Variants in GRIN3A observed in about 807,000 individuals in gnomAD.
GRIN3A encodes the protein glutamate ionotropic receptor NMDA type subunit 3A, also known as glutamate receptor ionotropic, NMDA 3A.
Under a neutral mutation model 92.4 loss-of-function variants are expected in GRIN3A, and 47 were observed. The observed-to-expected ratio is 0.51, with a 90% confidence interval of 0.40 to 0.65. GRIN3A has a LOEUF of 0.65. Ranked by LOEUF, GRIN3A falls within the 30% of genes least tolerant of loss-of-function variation. The pLI, the probability that GRIN3A is intolerant of heterozygous loss-of-function variation, is 0.00. For synonymous variants in GRIN3A, 527 were observed against 540.6 expected (o/e 0.97, Z 0.35); for missense variants, 1,324 against 1,393.1 (o/e 0.95, Z 0.79).
At chr9:101,694,243 C>A (rs1242703859) in intron 1 of GRIN3A, among the ~76,000 whole-genome samples, 1 of 152,144 alleles carries the variant, frequency 6.6e-6, no homozygotes, top group Non-Finnish European at 1.5e-5. Flanking sequence ...TCAAAGACAG[C>A]CAGCTTATTT....
chr9:101,720,907 A>G (rs1325740852), intron 1 of GRIN3A, among the ~76,000 whole-genome samples: 1 of 152,186 alleles, frequency 6.6e-6, no homozygotes, highest in Non-Finnish European at 1.5e-5. Context: ...TAGGCTCAAT[A>G]CATGGGTGAT....
At chr9:101,602,441 G>A (rs1223801246) in intron 6 of GRIN3A, among the ~76,000 whole-genome samples, 1 of 152,168 alleles carries the variant, frequency 6.6e-6, no homozygotes, top group African/African-American at 2.4e-5. Context: ...GAATAGAGGT[G>A]AGTGAGGAGT....
intron 1 of GRIN3A, among the ~76,000 whole-genome samples, chr9:101,689,675 C>A (rs573737670): frequency 2.6e-5 from 4 of 151,820 alleles, no homozygotes; most frequent in Admixed American, 6.6e-5. Context: ...GCAGTGTTTT[C>A]CAATTTCTCC....
At chr9:101,577,491 T>C (rs62575847) in intron 8 of GRIN3A, among the ~76,000 whole-genome samples, 14,248 of 152,262 alleles carry the variant, frequency 0.094, 714 homozygotes, top group Middle Eastern at 0.14. Flanking sequence ...ATTAAATAAG[T>C]GACTTACACA....
intron 8 of GRIN3A, among the ~76,000 whole-genome samples, 153 bp from the exon 9 acceptor site, chr9:101,573,666 G>A (rs1232426958): frequency 2.0e-5 from 3 of 151,898 alleles, no homozygotes; most frequent in African/African-American, 7.3e-5. Context: ...CTGCTAGGGT[G>A]TCATGGGGCA....
At chr9:101,640,128 T>C (rs1267523454) in intron 3 of GRIN3A, among the ~76,000 whole-genome samples, 1 of 152,220 alleles carries the variant, frequency 6.6e-6, no homozygotes, top group Non-Finnish European at 1.5e-5. Context: ...TCCTTCAGTA[T>C]ACATATACCA....
In GRIN3A at chr9:101,571,950, A is replaced by G. The variant is rs1382763728; in HGVS notation, c.*1224T>C. ...CTTTCCCTTGCTGCCTAAACTTGAT[A>G]TGCTGAGAAAGTGACACCTAAGCAG... On this transcript the variant is annotated 3_prime_UTR_variant, in exon 9 of 9. Transcript: ENST00000361820. 1 of 152,276 alleles carries G rather than the reference A, an allele frequency of 6.6e-6. No individual in the cohort carries two copies. Among genetic ancestry groups the G allele is most frequent in the Non-Finnish European group, 1.5e-5 (1 of 68,112 alleles). 9.4% of individuals were successfully genotyped at this position (152,276 alleles called of 1,614,324 possible). A position where few individuals can be genotyped will look rare whatever the true frequency, so the allele number is the denominator to read the frequency against.
intron 3 of GRIN3A, among the ~76,000 whole-genome samples, chr9:101,650,815 A>AC (rs570729371): frequency 6.0e-5 from 9 of 150,852 alleles, no homozygotes; most frequent in South Asian, 4.2e-4. Context: ...CTGGAATTCC[A>AC]CCCCCCCACA....
intron 3 of GRIN3A, among the ~76,000 whole-genome samples, chr9:101,656,444 T>C (rs909071187): frequency 1.3e-5 from 2 of 150,528 alleles, no homozygotes; most frequent in Non-Finnish European, 3.0e-5. Flanking sequence ...GAACCAATTA[T>C]TAGACGTAGT....
intron 2 of GRIN3A, among the ~76,000 whole-genome samples, chr9:101,682,776 A>C (rs568057333): frequency 1.1e-3 from 164 of 152,252 alleles, no homozygotes; most frequent in African/African-American, 3.9e-3. Context: ...AGGTCAGGAG[A>C]TCGAGACCAT....
chr9:101,575,554 C>T (rs1827814700), intron 8 of GRIN3A, among the ~76,000 whole-genome samples: 1 of 152,166 alleles, frequency 6.6e-6, no homozygotes, highest in Non-Finnish European at 1.5e-5. Context: ...ATATATAAAT[C>T]ATCTCCTGCA....
intron 6 of GRIN3A, among the ~76,000 whole-genome samples, chr9:101,612,610 A>T (rs1828381595): frequency 6.6e-6 from 1 of 151,920 alleles, no homozygotes; most frequent in Non-Finnish European, 1.5e-5. Flanking sequence ...TTTTTTTTTA[A>T]ATTGTCAGGC....
intron 6 of GRIN3A, among the ~76,000 whole-genome samples, chr9:101,585,013 G>A (rs574925639): frequency 6.6e-6 from 1 of 152,242 alleles, no homozygotes; most frequent in South Asian, 2.1e-4. Flanking sequence ...GATTTCTCTG[G>A]TTTTCTAGAG....
intron 6 of GRIN3A, among the ~76,000 whole-genome samples, chr9:101,596,227 T>C (rs1251824281): frequency 6.6e-6 from 1 of 152,182 alleles, no homozygotes; most frequent in Admixed American, 6.5e-5. Context: ...ACCTTATCAT[T>C]AAGTCTGGCC....
intron 3 of GRIN3A, among the ~76,000 whole-genome samples, chr9:101,632,737 A>G (rs1828732014): frequency 6.6e-6 from 1 of 152,178 alleles, no homozygotes; most frequent in Admixed American, 6.5e-5. Context: ...CTAAGAAGCT[A>G]TTGATGCAAC....
intron 6 of GRIN3A, among the ~76,000 whole-genome samples, chr9:101,588,540 C>T (rs1827978428): frequency 6.6e-6 from 1 of 152,020 alleles, no homozygotes; most frequent in South Asian, 2.1e-4. Flanking sequence ...CTTAATTTGC[C>T]ACATTAGCTC....
intron 1 of GRIN3A, among the ~76,000 whole-genome samples, chr9:101,690,266 T>C (rs1341876057): frequency 2.0e-5 from 3 of 152,188 alleles, no homozygotes; most frequent in African/African-American, 4.8e-5. Flanking sequence ...CAAAACCATA[T>C]ATGTCAAGCT....
intron 3 of GRIN3A, among the ~76,000 whole-genome samples, chr9:101,645,248 T>A (rs1384711369): frequency 6.6e-6 from 1 of 151,814 alleles, no homozygotes; most frequent in Admixed American, 6.6e-5. Flanking sequence ...TGAGAACATG[T>A]GATTTTTGTC....
At chr9:101,660,373 C>T (rs1829157252) in intron 3 of GRIN3A, among the ~76,000 whole-genome samples, 1 of 151,830 alleles carries the variant, frequency 6.6e-6, no homozygotes, top group South Asian at 2.1e-4. Context: ...ATTTCAACTG[C>T]AAATGAGAGG....
Sources: gnomAD v4.1 joint callset for allele counts (sites outside exome capture counted in the v4.1 genomes callset) on GRCh38, gnomAD v4.1.1 for gene constraint, MANE v1.5 for transcripts, NCBI Gene and HGNC (gene_info 2026-07-23, HGNC 2026-07-21) for gene names.